The following THSD7B variants were observed in gnomAD, a reference collection of about 807,000 sequenced individuals.
The protein encoded by THSD7B is thrombospondin type-1 domain-containing protein 7B.
Under a neutral mutation model 213.6 loss-of-function variants are expected in THSD7B, and 138 were observed. The ratio of observed to expected loss-of-function variants is 0.65; its 90% CI spans 0.56 to 0.74. The LOEUF (loss-of-function observed/expected upper bound fraction) is 0.74. THSD7B is among the 30% of genes least tolerant of loss of function. THSD7B has a pLI of 0.00. For synonymous variants in THSD7B, 742 were observed against 687.0 expected, an observed-to-expected ratio of 1.08 and a Z score of -1.25; for missense variants, 1,931 against 1,991.5, an observed-to-expected ratio of 0.97 and a Z score of 0.58.
At chr2:136,893,774 C>T (rs908766284) in intron 2 of THSD7B, among the ~76,000 whole-genome samples, 6 of 152,110 alleles carry the variant, frequency 3.9e-5, no homozygotes, top group Non-Finnish European at 1.5e-5. Context: ...CCACAGATGA[C>T]ATATATGCTG....
intron 7 of THSD7B, among the ~76,000 whole-genome samples, chr2:137,214,080 G>A (rs1681179754): frequency 6.6e-6 from 1 of 152,014 alleles, no homozygotes. Context: ...TCAGGTGGGA[G>A]GAAAAGAAAT....
chr2:137,364,077 C>T (rs1685342610), intron 12 of THSD7B, among the ~76,000 whole-genome samples: 3 of 152,212 alleles, frequency 2.0e-5, no homozygotes. Flanking sequence ...GAATGCAAGG[C>T]TGGTTCAACA....
At chr2:137,053,324 A>G (rs1687101592) in intron 2 of THSD7B, among the ~76,000 whole-genome samples, 1 of 152,198 alleles carries the variant, frequency 6.6e-6, no homozygotes, top group African/African-American at 2.4e-5. Flanking sequence ...GCTAAGAAAC[A>G]TCTTCAAATA....
intron 15 of THSD7B, chr2:137,452,033 G>A (rs17689959): frequency 0.23 from 212,023 of 938,226 alleles, 25,373 homozygotes; most frequent in South Asian, 0.24. Flanking sequence ...AGCATGTTTA[G>A]TACTGCTCAG....
Position 137,450,994 on chromosome 2 carries a change from C to T in THSD7B, c.3109C>T (p.Pro1037Ser). 1 of 1,605,502 alleles carries T rather than the reference C, an allele frequency of 6.2e-7. No homozygotes were observed. Among genetic ancestry groups the T allele is most frequent in the South Asian group, 1.1e-5 (1 of 89,632 alleles). ...AGAAAAACCTTACAATGGAGGACGA[C>T]CATGTCCCAAACTGGATCTCAAGAA... ...LKEKPYNGGR[P>S]CPKLDLKNQV... The change falls in exon 15 of 28, where the codon CCA (proline) becomes TCA (serine). Residue 1037 changes from proline (P) to serine (S), a missense_variant. Pro to Ser is a moderately conservative substitution (Grantham distance 74). Transcript: ENST00000409968.
intron 4 of THSD7B, among the ~76,000 whole-genome samples, chr2:137,103,819 G>A (rs898627711): frequency 4.6e-5 from 7 of 151,994 alleles, no homozygotes; most frequent in African/African-American, 9.7e-5. Context: ...AGGGATAAAC[G>A]CAACAAGACG....
At chr2:137,602,752 G>C (rs1381059011) in intron 17 of THSD7B, among the ~76,000 whole-genome samples, 2 of 152,152 alleles carry the variant, frequency 1.3e-5, no homozygotes, top group African/African-American at 2.4e-5. Context: ...ACTCATGAGA[G>C]TGGAGTCCCC....
intron 15 of THSD7B, among the ~76,000 whole-genome samples, chr2:137,557,208 G>C (rs1395584500): frequency 1.3e-5 from 2 of 152,160 alleles, no homozygotes; most frequent in African/African-American, 2.4e-5. Flanking sequence ...GACATCTACA[G>C]AACTCTCCAC....
chr2:137,181,742 C>T lies in THSD7B; in HGVS notation c.1723+10804C>T, dbSNP rs1225326405. Among the ~76,000 whole-genome samples the T allele has an allele frequency of 2.6e-5, 4 of 152,208 alleles. No homozygotes were observed. The East Asian group carries it at 7.7e-4, about 29-fold the overall frequency. ...GATATGTAGCATCTCTGGCACTCCC[C>T]CATGGATTGACAGTCATGTCCCCTC... is the stretch of plus-strand genomic sequence containing the variant. On this transcript the variant is annotated intron_variant, in intron 7 of 27. Transcript: ENST00000409968.
At chr2:137,462,469 G>A (rs759555717) in intron 15 of THSD7B, among the ~76,000 whole-genome samples, 4 of 152,046 alleles carry the variant, frequency 2.6e-5, no homozygotes, top group African/African-American at 4.8e-5. Context: ...CCAATGCATA[G>A]CCAATCACTA....
intron 2 of THSD7B, among the ~76,000 whole-genome samples, chr2:137,006,926 A>C (rs1316522017): frequency 6.6e-6 from 1 of 152,212 alleles, no homozygotes; most frequent in Non-Finnish European, 1.5e-5. Flanking sequence ...GAGGTCAAAA[A>C]CTGACATATA....
intron 15 of THSD7B, among the ~76,000 whole-genome samples, chr2:137,531,302 G>A (rs1680392904): frequency 6.6e-6 from 1 of 151,858 alleles, no homozygotes; most frequent in African/African-American, 2.4e-5. Context: ...ATGGCAATTA[G>A]GCTTAATACT....
chr2:137,575,976 G>T (rs1434962080), intron 17 of THSD7B, among the ~76,000 whole-genome samples: 2 of 151,846 alleles, frequency 1.3e-5, no homozygotes, highest in Non-Finnish European at 2.9e-5. Context: ...TCCAGTTTTT[G>T]TCCTGATCCT....
At chr2:136,856,618 A>G (rs984733707) in intron 1 of THSD7B, among the ~76,000 whole-genome samples, 1 of 151,950 alleles carries the variant, frequency 6.6e-6, no homozygotes, top group Non-Finnish European at 1.5e-5. Flanking sequence ...GGTTCAAACA[A>G]TTCTCCCTGC....
intron 1 of THSD7B, among the ~76,000 whole-genome samples, chr2:136,867,351 A>G (rs987831396): frequency 6.6e-6 from 1 of 152,174 alleles, no homozygotes; most frequent in Admixed American, 6.5e-5. Context: ...GTGGGTTTCC[A>G]TGCAGTGTGG....
intron 5 of THSD7B, among the ~76,000 whole-genome samples, chr2:137,144,012 T>G (rs1679642753): frequency 6.6e-6 from 1 of 152,040 alleles, no homozygotes; most frequent in Non-Finnish European, 1.5e-5. Context: ...GATGAAACAC[T>G]TAAACCAACT....
intron 21 of THSD7B, among the ~76,000 whole-genome samples, chr2:137,643,032 T>C (rs1489848559): frequency 6.6e-6 from 1 of 152,228 alleles, no homozygotes; most frequent in Non-Finnish European, 1.5e-5. Context: ...GAAACACTTT[T>C]AGGGTTAGAC....
At chr2:137,196,148 A>G (rs2105019159) in intron 7 of THSD7B, among the ~76,000 whole-genome samples, 1 of 152,314 alleles carries the variant, frequency 6.6e-6, no homozygotes, top group Middle Eastern at 3.4e-3. Flanking sequence ...AATAGTGTTC[A>G]TTTATAAAAT....
At chr2:137,009,883 G>A (rs1686194285) in intron 2 of THSD7B, among the ~76,000 whole-genome samples, 1 of 152,232 alleles carries the variant, frequency 6.6e-6, no homozygotes, top group African/African-American at 2.4e-5. Context: ...AGAGCTCTAT[G>A]TCTGGCACAC....
Sources: gnomAD v4.1 joint callset for allele counts (sites outside exome capture counted in the v4.1 genomes callset) on GRCh38, gnomAD v4.1.1 for gene constraint, MANE v1.5 for transcripts, NCBI Gene and HGNC (gene_info 2026-07-23, HGNC 2026-07-21) for gene names.